HDAC9: variants seen among roughly 807,000 people sequenced by gnomAD.
HDAC9 encodes histone deacetylase 9, also known as MEF-2 interacting transcription repressor (MITR) protein.
Under a neutral mutation model 139.4 loss-of-function variants are expected in HDAC9, and 41 were observed. The ratio of observed to expected loss-of-function variants is 0.29; its 90% CI spans 0.23 to 0.38. The LOEUF (loss-of-function observed/expected upper bound fraction) is 0.38. Among genes scored for constraint, HDAC9 ranks in the 10% least tolerant of loss-of-function variants. The pLI is 1.00. For synonymous variants in HDAC9, 517 were observed against 476.2 expected (o/e 1.09, Z -1.12); for missense variants, 1,147 against 1,297.0 (o/e 0.88, Z 1.78).
chr7:18,349,400 T>G (rs768039227), intron 1 of HDAC9, among the ~76,000 whole-genome samples: 10 of 151,738 alleles, frequency 6.6e-5, no homozygotes, highest in African/African-American at 9.7e-5. Flanking sequence ...ATTTTTTCTC[T>G]ATAGCAGTGA....
At chr7:18,422,668 G>C (rs1789733192) in intron 1 of HDAC9, among the ~76,000 whole-genome samples, 1 of 151,844 alleles carries the variant, frequency 6.6e-6, no homozygotes, top group Non-Finnish European at 1.5e-5. Context: ...GAATCACTGT[G>C]GGGTTTGGAC....
intron 1 of HDAC9, among the ~76,000 whole-genome samples, chr7:18,354,076 A>G (rs1008659534): frequency 2.6e-5 from 4 of 152,174 alleles, no homozygotes; most frequent in African/African-American, 9.7e-5. Context: ...AGGTGAAAAA[A>G]AAGCACTAAA....
intron 22 of HDAC9, among the ~76,000 whole-genome samples, chr7:18,904,574 T>TC (rs1172940766): frequency 1.1e-3 from 8 of 7,390 alleles, no homozygotes; most frequent in Non-Finnish European, 2.1e-3. Flanking sequence ...CCCCATTTCT[T>TC]TTTTTTTTTT....
At chr7:18,223,736 T>C (rs930839656) in intron 2 of HDAC9, among the ~76,000 whole-genome samples, 1 of 152,148 alleles carries the variant, frequency 6.6e-6, no homozygotes, top group Non-Finnish European at 1.5e-5. Context: ...TGTGTCTACA[T>C]GTTTCCTATA....
intron 1 of HDAC9, among the ~76,000 whole-genome samples, chr7:18,304,065 G>A (rs556507415): frequency 6.6e-6 from 1 of 152,328 alleles, no homozygotes; most frequent in South Asian, 2.1e-4. Flanking sequence ...TCGTTGACCT[G>A]GGCTCTGCCC....
At chr7:18,322,124 CCTGTATTAAAGTAATCCCTTCTT>C in intron 1 of HDAC9, among the ~76,000 whole-genome samples, 1 of 152,084 alleles carries the variant, frequency 6.6e-6, no homozygotes, top group African/African-American at 2.4e-5. Flanking sequence ...ACATGTAAAG[CCTGTATTAAAGTAATCCCTTCTT>C]CACTATCGAT....
rs1791864154 is a variant in HDAC9 at position 18,210,532 on chromosome 7, C to G, written c.25+48183C>G. Among the ~76,000 whole-genome samples the G allele has an allele frequency of 5.3e-5, 8 of 152,122 alleles. No homozygotes were observed. The South Asian group carries it at 1.7e-3, about 31-fold the overall frequency. On this transcript the variant is annotated intron_variant, in intron 2 of 12. Coordinates refer to the HDAC9 transcript ENST00000417496. ...ATTATAATGTAATTGAGTCACTTAC[C>G]AAGCCTATTTTAAAACCAGTTACTT...
chr7:18,171,167 T>A (rs935726119), intron 2 of HDAC9, among the ~76,000 whole-genome samples: 10 of 152,206 alleles, frequency 6.6e-5, no homozygotes, highest in Non-Finnish European at 1.5e-4. Context: ...TCACATCCCT[T>A]GTAAGTTGCA....
chr7:18,952,752 T>C (rs1782886565), intron 23 of HDAC9, among the ~76,000 whole-genome samples: 1 of 151,732 alleles, frequency 6.6e-6, no homozygotes, highest in Middle Eastern at 3.2e-3. Flanking sequence ...TTTTAAAAAA[T>C]GATTTTAACA....
chr7:18,262,661 G>A (rs1040994371), intron 2 of HDAC9, among the ~76,000 whole-genome samples: 1 of 152,062 alleles, frequency 6.6e-6, no homozygotes, highest in Non-Finnish European at 1.5e-5. Flanking sequence ...AAGCAATAAC[G>A]ATAAAACTAT....
chr7:18,701,379 CTGT>C (rs1219616826), intron 12 of HDAC9, among the ~76,000 whole-genome samples: 1 of 140,594 alleles, frequency 7.1e-6, no homozygotes, highest in African/African-American at 2.8e-5. Context: ...GACATTGATT[CTGT>C]TGTGGCGTCT....
chr7:18,762,384 G>A (rs1280608148), intron 15 of HDAC9, 107 bp downstream of exon 15: 4 of 1,303,664 alleles, frequency 3.1e-6, no homozygotes, highest in Non-Finnish European at 4.3e-6. Context: ...CAAAAAATCA[G>A]TTTTTCCAAC....
At chr7:18,263,756 G>T (rs1795828781) in intron 2 of HDAC9, among the ~76,000 whole-genome samples, 1 of 151,810 alleles carries the variant, frequency 6.6e-6, no homozygotes, top group Non-Finnish European at 1.5e-5. Flanking sequence ...CTACAGACAT[G>T]TGCCATCACA....
At chr7:18,675,127 C>T (rs1029000232) in intron 12 of HDAC9, among the ~76,000 whole-genome samples, 6 of 151,928 alleles carry the variant, frequency 3.9e-5, no homozygotes, top group African/African-American at 1.4e-4. Context: ...AGTGAATCAG[C>T]CTCCTCCTTG....
At chr7:18,396,935 T>TA (rs1787116900) in intron 1 of HDAC9, among the ~76,000 whole-genome samples, 1 of 152,094 alleles carries the variant, frequency 6.6e-6, no homozygotes, top group South Asian at 2.1e-4. Context: ...CTTTTTGACT[T>TA]ACAATGTAAT....
At chr7:18,478,067 C>CA (rs201413397) in intron 1 of HDAC9, among the ~76,000 whole-genome samples, 384 of 151,010 alleles carry the variant, frequency 2.5e-3, no homozygotes, top group African/African-American at 8.7e-3. Flanking sequence ...AACAAACAAA[C>CA]AAAAAAAACT....
chr7:18,214,252 G>A (rs1792140437), intron 2 of HDAC9, among the ~76,000 whole-genome samples: 2 of 152,124 alleles, frequency 1.3e-5, no homozygotes, highest in African/African-American at 4.8e-5. Context: ...AAGTATTACA[G>A]CCAGAATTTG....
At chr7:18,416,289 T>C (rs763066147) in intron 1 of HDAC9, among the ~76,000 whole-genome samples, 5 of 151,416 alleles carry the variant, frequency 3.3e-5, no homozygotes, top group Non-Finnish European at 5.9e-5. Flanking sequence ...AGAGCAAAAC[T>C]CCATCTCAAA....
At chr7:18,605,749 C>T (rs183760812) in intron 6 of HDAC9, among the ~76,000 whole-genome samples, 1,808 of 152,102 alleles carry the variant, frequency 0.012, 24 homozygotes, top group Middle Eastern at 0.037. Context: ...GGCATGATCT[C>T]GGCTCACTGC....
Sources: allele counts gnomAD v4.1 joint callset (sites outside exome capture counted in the v4.1 genomes callset), GRCh38; gene constraint gnomAD v4.1.1; transcripts MANE v1.5; gene names NCBI Gene and HGNC (gene_info 2026-07-23, HGNC 2026-07-21).